Variants in PTPN14 observed in about 807,000 individuals in gnomAD.
The protein encoded by PTPN14 is protein tyrosine phosphatase non-receptor type 14, also known as tyrosine-protein phosphatase non-receptor type 14.
Under a neutral mutation model 126.8 loss-of-function variants are expected in PTPN14, and 53 were observed. The observed-to-expected ratio is 0.42, with a 90% confidence interval of 0.34 to 0.53. The LOEUF (loss-of-function observed/expected upper bound fraction) is 0.53, where lower values mean the gene tolerates loss of function less well. Ranked by LOEUF, PTPN14 falls within the 20% of genes least tolerant of loss-of-function variation. PTPN14 has a pLI of 0.08. For synonymous variants in PTPN14, 630 were observed against 599.3 expected, an observed-to-expected ratio of 1.05 and a Z score of -0.75; for missense variants, 1,257 against 1,552.9, an observed-to-expected ratio of 0.81 and a Z score of 3.20.
chr1:214,500,861 T>G (rs1654669756), intron 1 of PTPN14, among the ~76,000 whole-genome samples: 1 of 152,142 alleles, frequency 6.6e-6, no homozygotes, highest in South Asian at 2.1e-4. Flanking sequence ...ATCATTAACA[T>G]GAAGAAAAGG....
intron 2 of PTPN14, among the ~76,000 whole-genome samples, chr1:214,464,180 GGT>G (rs1491577067): frequency 4.5e-4 from 18 of 39,978 alleles, no homozygotes; most frequent in African/African-American, 2.0e-3. Context: ...TATTCGGTGG[GGT>G]TTTTTTTTTT....
intron 9 of PTPN14, among the ~76,000 whole-genome samples, chr1:214,393,988 G>C (rs1658819381): frequency 6.6e-6 from 1 of 152,226 alleles, no homozygotes; most frequent in Admixed American, 6.5e-5. Context: ...CCTGCTGTCT[G>C]CTAAGGAATC....
At chr1:214,463,467 C>A (rs1446616678) in intron 2 of PTPN14, among the ~76,000 whole-genome samples, 2 of 152,174 alleles carry the variant, frequency 1.3e-5, no homozygotes, top group Non-Finnish European at 2.9e-5. Flanking sequence ...AATACCTGAT[C>A]ACTGAAACCA....
intron 2 of PTPN14, among the ~76,000 whole-genome samples, chr1:214,458,056 T>G (rs142099203): frequency 0.033 from 4,841 of 145,052 alleles, 252 homozygotes; most frequent in African/African-American, 0.13. Context: ...GAGAGAGAGA[T>G]AGAGAGAGAG....
At chr1:214,410,862 T>A (rs75761621) in intron 5 of PTPN14, among the ~76,000 whole-genome samples, 2,612 of 152,294 alleles carry the variant, frequency 0.017, 84 homozygotes, top group African/African-American at 0.059. Context: ...ATAGCTTTGA[T>A]ATACAGTTTG....
chr1:214,403,093 A>T (rs1178855460), intron 5 of PTPN14, 140 bp from the exon 6 acceptor site: 7 of 771,058 alleles, frequency 9.1e-6, no homozygotes, highest in Non-Finnish European at 2.1e-6. Flanking sequence ...GTAGAATTAA[A>T]GGTTGTAATT....
At chr1:214,500,919 A>G (rs1654671498) in intron 1 of PTPN14, among the ~76,000 whole-genome samples, 1 of 152,200 alleles carries the variant, frequency 6.6e-6, no homozygotes, top group South Asian at 2.1e-4. Flanking sequence ...AAAGGTTTAA[A>G]AACATCTGGT....
intron 14 of PTPN14, 21 bp downstream of exon 14, chr1:214,377,938 A>G: frequency 6.2e-6 from 10 of 1,606,640 alleles, no homozygotes; most frequent in Non-Finnish European, 8.5e-6. Context: ...AATGAGTCAC[A>G]TTGACAAGCC....
Position 214,486,847 on chromosome 1 carries a change from G to A in PTPN14, c.-154-21890C>T, listed in dbSNP as rs189555559. Among the ~76,000 whole-genome samples, 118 of 152,254 alleles carry A rather than the reference G, an allele frequency of 7.8e-4. 1 individual carries two copies. In the Middle Eastern group the frequency reaches 0.014, roughly 18 times the overall value. ...AAAAAATAAATCAAAACATGCCAAAGTTCTCAGATGTTTACATGGCATATC... is the reference window on the plus strand; with the variant it reads ...AAAAAATAAATCAAAACATGCCAAAATTCTCAGATGTTTACATGGCATATC... On this transcript the variant is annotated intron_variant, in intron 1 of 18. Transcript: ENST00000366956.
chr1:214,410,095 G>A (rs1347197581), intron 5 of PTPN14, among the ~76,000 whole-genome samples: 1 of 151,988 alleles, frequency 6.6e-6, no homozygotes, highest in Non-Finnish European at 1.5e-5. Flanking sequence ...TGTGTGGGTT[G>A]TCTCTTTATA....
At chr1:214,520,065 A>AAATATATATATATATATATATATATAT in intron 1 of PTPN14, among the ~76,000 whole-genome samples, 1 of 71,142 alleles carries the variant, frequency 1.4e-5, no homozygotes, top group African/African-American at 7.3e-5. Flanking sequence ...AAAAAAAAAA[A>AAATATATATATATATATATATATATAT]ATATATATAT....
chr1:214,502,115 T>C (rs1654718313), intron 1 of PTPN14, among the ~76,000 whole-genome samples: 1 of 151,084 alleles, frequency 6.6e-6, no homozygotes, highest in South Asian at 2.1e-4. Context: ...TAAGGTGTGA[T>C]TGACATACAA....
chr1:214,381,790 G>A (rs1270530628), intron 13 of PTPN14, among the ~76,000 whole-genome samples: 3 of 152,224 alleles, frequency 2.0e-5, no homozygotes, highest in Non-Finnish European at 2.9e-5. Context: ...ATTAGGCTTG[G>A]CTACCTTATG....
At chr1:214,388,939 C>T (rs1029429683) in intron 11 of PTPN14, among the ~76,000 whole-genome samples, 1 of 151,818 alleles carries the variant, frequency 6.6e-6, no homozygotes, top group Non-Finnish European at 1.5e-5. Flanking sequence ...AAAAGGGATC[C>T]AAGAATTAAA....
At chr1:214,415,204 A>G (rs1278684413) in intron 3 of PTPN14, among the ~76,000 whole-genome samples, 1 of 148,614 alleles carries the variant, frequency 6.7e-6, no homozygotes, top group Non-Finnish European at 1.5e-5. Flanking sequence ...AATCAAATAC[A>G]GTTTTCACCT....
Position 214,549,651 on chromosome 1 carries a change from C to A in PTPN14, c.-155+1532G>T, listed in dbSNP as rs985012565. On this transcript the variant is annotated intron_variant, in intron 1 of 18. Coordinates refer to ENST00000366956, the MANE Select transcript of PTPN14 (RefSeq NM_005401.5). ...ACCACACCTACGGCTGTCAAACAGC[C>A]TTTTTAAAAAAGGAATCATTGCTTG... Among the ~76,000 whole-genome samples the A allele has an allele frequency of 7.2e-5, 11 of 152,212 alleles. No homozygotes were observed. In the South Asian group the frequency reaches 2.3e-3, roughly 32 times the overall value.
intron 15 of PTPN14, among the ~76,000 whole-genome samples, chr1:214,374,545 T>C (rs1481933992): frequency 6.6e-6 from 1 of 152,230 alleles, no homozygotes; most frequent in Non-Finnish European, 1.5e-5. Context: ...GCTGCTGAGG[T>C]AGATTTCACA....
chr1:214,439,971 T>A (rs977136266), intron 3 of PTPN14, among the ~76,000 whole-genome samples: 6 of 152,232 alleles, frequency 3.9e-5, no homozygotes, highest in African/African-American at 1.4e-4. Context: ...AACTACTTCC[T>A]TCTCTTTGAC....
chr1:214,464,759 G>A lies in PTPN14; in HGVS notation c.45C>T (p.Val15=), dbSNP rs141037132. 16 of 1,614,294 alleles carry A rather than the reference G, an allele frequency of 9.9e-6. No homozygotes were observed. In the African/African-American group the frequency reaches 1.7e-4, roughly 17 times the overall value. ...GTGTGACAAAGCAGTTCTTGCTCAG[G>A]ACGTTGTAGCGCCGTGTCCGGCGGA... ...LKLRRTRRYN[V]LSKNCFVTRI... The change falls in exon 2 of 19, where the codon GTC becomes GTT. Residue 15 remains valine (V), a synonymous_variant. Transcript: ENST00000366956.
Sources: allele counts gnomAD v4.1 joint callset (sites outside exome capture counted in the v4.1 genomes callset), GRCh38; gene constraint gnomAD v4.1.1; transcripts MANE v1.5; gene names NCBI Gene and HGNC (gene_info 2026-07-23, HGNC 2026-07-21).